The following GMDS variants were observed in gnomAD, a reference collection of about 807,000 sequenced individuals.
The protein encoded by GMDS is GDP-mannose 4,6 dehydratase.
A neutral mutation model predicts 49.9 loss-of-function variants in GMDS; 20 were observed. The observed-to-expected ratio is 0.40, with a 90% CI of 0.28 to 0.58. GMDS has a LOEUF of 0.58. GMDS is among the 20% of genes least tolerant of loss of function. GMDS has a pLI of 0.42. For missense variants in GMDS, 362 were observed against 481.4 expected, an observed-to-expected ratio of 0.75 and a Z score of 2.32; for synonymous variants, 177 against 178.6, an observed-to-expected ratio of 0.99 and a Z score of 0.07.
chr6:1,676,792 T>G (rs1397524430), intron 9 of GMDS, among the ~76,000 whole-genome samples: 1 of 152,174 alleles, frequency 6.6e-6, no homozygotes, highest in African/African-American at 2.4e-5. Flanking sequence ...CAAGATGGAT[T>G]AAAGACTTAA....
chr6:1,625,331 A>G (rs1056724455), intron 9 of GMDS: 2 of 152,080 alleles, frequency 1.3e-5, no homozygotes, highest in Admixed American at 1.3e-4. Flanking sequence ...TTCTACCCCT[A>G]TTCTACTCGG....
In GMDS at chr6:1,908,700, C is replaced by T. The variant is rs564000776; in HGVS notation, c.771+21403G>A. ...TAAGGCAGGAACTGCTGCTCGAAGGCTTGATGATTCCAAGAGAGGTGAGAG... is the reference window on the plus strand; with the variant it reads ...TAAGGCAGGAACTGCTGCTCGAAGGTTTGATGATTCCAAGAGAGGTGAGAG... On this transcript the variant is annotated intron_variant, in intron 7 of 10. Transcript: ENST00000380815. Among the ~76,000 whole-genome samples the T allele has an allele frequency of 2.1e-4, 32 of 152,298 alleles. No individual in the cohort carries two copies. The South Asian group carries it at 6.2e-3, about 30-fold the overall frequency.
intron 4 of GMDS, among the ~76,000 whole-genome samples, chr6:2,044,363 G>A (rs1296719177): frequency 9.9e-5 from 15 of 152,154 alleles, no homozygotes; most frequent in East Asian, 3.9e-4. Context: ...TGTATACACC[G>A]TGGAATACTA....
At chr6:2,152,058 G>A (rs941404748) in intron 1 of GMDS, among the ~76,000 whole-genome samples, 1 of 152,098 alleles carries the variant, frequency 6.6e-6, no homozygotes, top group African/African-American at 2.4e-5. Context: ...CACACAAGTC[G>A]ACAGGTCAAT....
chr6:2,110,114 A>T (rs1774460961), intron 4 of GMDS, among the ~76,000 whole-genome samples: 1 of 152,054 alleles, frequency 6.6e-6, no homozygotes, highest in Admixed American at 6.5e-5. Context: ...CGCTGTTGCA[A>T]TTTTGTTTTG....
At chr6:1,854,689 A>G (rs1260651294) in intron 7 of GMDS, among the ~76,000 whole-genome samples, 1 of 152,204 alleles carries the variant, frequency 6.6e-6, no homozygotes, top group African/African-American at 2.4e-5. Context: ...TGCTGCCTGC[A>G]GACTCGCGAT....
intron 9 of GMDS, among the ~76,000 whole-genome samples, chr6:1,706,850 T>G (rs1453541159): frequency 2.0e-5 from 3 of 152,224 alleles, no homozygotes; most frequent in Non-Finnish European, 4.4e-5. Context: ...TGCTGCATGG[T>G]GGCATTTGGA....
intron 1 of GMDS, among the ~76,000 whole-genome samples, chr6:2,152,922 A>T (rs1302860254): frequency 1.3e-5 from 2 of 152,158 alleles, no homozygotes; most frequent in Non-Finnish European, 1.5e-5. Context: ...TATAAGATAA[A>T]GGTAGCAATT....
chr6:1,724,373 C>T (rs981749049), intron 9 of GMDS, among the ~76,000 whole-genome samples: 3 of 152,058 alleles, frequency 2.0e-5, no homozygotes, highest in African/African-American at 4.8e-5. Context: ...GAAAGGGGGT[C>T]GATGCGGATT....
At chr6:2,064,385 G>A (rs555547312) in intron 4 of GMDS, among the ~76,000 whole-genome samples, 2 of 152,272 alleles carry the variant, frequency 1.3e-5, no homozygotes, top group East Asian at 3.9e-4. Flanking sequence ...CGAAGTGTGG[G>A]AGGAGGAAGA....
Position 1,930,153 on chromosome 6 carries a change from CCAAA to C in GMDS, c.717_720del (p.Ser239ArgfsTer22). The C allele has an allele frequency of 6.2e-7, 1 of 1,613,108 alleles. No individual in the cohort carries two copies. Among genetic ancestry groups the C allele is most frequent in the Non-Finnish European group, 8.5e-7 (1 of 1,179,340 alleles). The stretch of plus-strand genomic sequence containing the variant: ...CAATCTCGTTTGGCATCCAGATTTC[CCAAA>C]CTGAAACATTCCAGTTGTCCAAGGT... On this transcript the variant is annotated frameshift_variant, in exon 7 of 11. Coordinates refer to ENST00000380815, the MANE Select transcript of GMDS (RefSeq NM_001500.4). LOFTEE classifies it high-confidence loss of function.
At chr6:2,182,021 G>C (rs114428337) in intron 1 of GMDS, among the ~76,000 whole-genome samples, 4 of 152,186 alleles carry the variant, frequency 2.6e-5, no homozygotes, top group Admixed American at 2.6e-4. Flanking sequence ...AAAGTTCTTG[G>C]AGAAAATTAA....
intron 8 of GMDS, among the ~76,000 whole-genome samples, chr6:1,736,695 G>A (rs906337280): frequency 2.0e-5 from 3 of 152,194 alleles, no homozygotes; most frequent in African/African-American, 7.2e-5. Context: ...ACGGTGGCTG[G>A]TCTAAACACA....
At chr6:1,977,253 G>A (rs1187577150) in intron 4 of GMDS, among the ~76,000 whole-genome samples, 1 of 152,166 alleles carries the variant, frequency 6.6e-6, no homozygotes, top group Non-Finnish European at 1.5e-5. Flanking sequence ...GACATAGAAA[G>A]TTACTTATGA....
At chr6:1,818,917 T>C (rs1432174300) in intron 7 of GMDS, among the ~76,000 whole-genome samples, 1 of 152,102 alleles carries the variant, frequency 6.6e-6, no homozygotes, top group Non-Finnish European at 1.5e-5. Flanking sequence ...TCACCTTAAT[T>C]CTAAAGCATA....
intron 4 of GMDS, among the ~76,000 whole-genome samples, chr6:2,073,086 G>C (rs879578918): frequency 6.6e-5 from 10 of 152,336 alleles, no homozygotes; most frequent in Admixed American, 2.6e-4. Context: ...TCAGTGCACA[G>C]GGAAAATTAA....
chr6:1,627,439 C>T (rs1397231558), intron 9 of GMDS, among the ~76,000 whole-genome samples: 6 of 152,162 alleles, frequency 3.9e-5, no homozygotes, highest in East Asian at 1.9e-4. Flanking sequence ...GCTCATACAA[C>T]GGGGTCCAAA....
rs536843442 is a variant in GMDS, at chr6:1,694,850, T to G, written c.987+31566A>C. ...TACACCTGTCCAAATGAAAAGTACC[T>G]ATTACTTTTATAGATTCCTACCTAG... On this transcript the variant is annotated intron_variant, in intron 9 of 10. Transcript: ENST00000380815. 2.0e-5 allele frequency among the ~76,000 whole-genome samples: 3 copies of G among 152,336 alleles called. No individual in the cohort carries two copies. The South Asian group carries it at 6.2e-4, about 32-fold the overall frequency.
chr6:1,634,342 C>A (rs1763080230), intron 9 of GMDS, among the ~76,000 whole-genome samples: 1 of 152,224 alleles, frequency 6.6e-6, no homozygotes, highest in Admixed American at 6.5e-5. Context: ...AGATGCCGCT[C>A]CACCCTTCAT....
Sources: gnomAD v4.1 joint callset for allele counts (sites outside exome capture counted in the v4.1 genomes callset) on GRCh38, gnomAD v4.1.1 for gene constraint, MANE v1.5 for transcripts, NCBI Gene and HGNC (gene_info 2026-07-23, HGNC 2026-07-21) for gene names.